NELL2: variants seen among roughly 807,000 people sequenced by gnomAD.
NELL2 encodes protein kinase C-binding protein NELL2.
NELL2 carries 41 observed loss-of-function variants against 109.6 expected under a neutral mutation model. That is an observed-to-expected ratio of 0.37 (90% CI 0.29 to 0.49). The LOEUF is 0.49. Among genes scored for constraint, NELL2 ranks in the 20% least tolerant of loss-of-function variants. NELL2 has a pLI of 0.98. For synonymous variants in NELL2, 355 were observed against 344.7 expected (o/e 1.03, Z -0.33); for missense variants, 900 against 1,008.3 (o/e 0.89, Z 1.45).
intron 15 of NELL2, among the ~76,000 whole-genome samples, chr12:44,539,770 T>G (rs10748397): frequency 0.78 from 118,589 of 152,054 alleles, 46,435 homozygotes; most frequent in East Asian, 1. Context: ...CAAATGGCCA[T>G]AAATTGTTAT....
chr12:44,539,470 T>C (rs141240256), intron 15 of NELL2, among the ~76,000 whole-genome samples: 168 of 152,304 alleles, frequency 1.1e-3, no homozygotes, highest in African/African-American at 3.6e-3. Context: ...ATATGATATA[T>C]TTCCTATTTC....
intron 16 of NELL2, among the ~76,000 whole-genome samples, chr12:44,531,226 G>A (rs1942038974): frequency 6.6e-6 from 1 of 152,160 alleles, no homozygotes; most frequent in Admixed American, 6.6e-5. Context: ...CCATATACAT[G>A]CTTCTGTATG....
chr12:44,601,501 G>A (rs542370328), intron 15 of NELL2, among the ~76,000 whole-genome samples: 5 of 152,262 alleles, frequency 3.3e-5, no homozygotes, highest in African/African-American at 1.2e-4. Flanking sequence ...CTATAGTACA[G>A]TAAAATTATA....
chr12:44,914,159 T>C (rs1945808504), upstream of NELL2: 1 of 156,594 alleles, frequency 6.4e-6, no homozygotes, highest in African/African-American at 2.4e-5. Flanking sequence ...AAAACATAAA[T>C]CAGGTTGTGT....
chr12:44,614,136 C>A (rs1945730605), intron 13 of NELL2, among the ~76,000 whole-genome samples: 1 of 151,956 alleles, frequency 6.6e-6, no homozygotes, highest in Non-Finnish European at 1.5e-5. Context: ...AGACTCAATG[C>A]TATCTTCATA....
At chr12:44,532,030 G>A (rs1031787548) in intron 16 of NELL2, among the ~76,000 whole-genome samples, 3 of 152,076 alleles carry the variant, frequency 2.0e-5, no homozygotes, top group African/African-American at 7.2e-5. Context: ...TAATCTGATT[G>A]AATTTTCTAC....
chr12:44,820,404 T>C (rs1264346511), intron 2 of NELL2, among the ~76,000 whole-genome samples: 1 of 151,868 alleles, frequency 6.6e-6, no homozygotes, highest in Non-Finnish European at 1.5e-5. Flanking sequence ...GTCAGGAGAT[T>C]GAGACCATCC....
intron 9 of NELL2, among the ~76,000 whole-genome samples, chr12:44,745,972 A>G (rs1275996793): frequency 6.6e-6 from 1 of 152,182 alleles, no homozygotes; most frequent in Non-Finnish European, 1.5e-5. Context: ...GGAACCAAAA[A>G]AGAGCCCGCA....
intron 9 of NELL2, among the ~76,000 whole-genome samples, chr12:44,753,877 T>G (rs1847795049): frequency 6.6e-6 from 1 of 152,186 alleles, no homozygotes; most frequent in African/African-American, 2.4e-5. Flanking sequence ...AAATTTCCCC[T>G]AATGAATAAA....
rs372043718 is a variant in NELL2, at chr12:44,919,670, C to A, written c.-32+2120G>T. Among the ~76,000 whole-genome samples, 9 of 152,094 alleles carry A rather than the reference C, an allele frequency of 5.9e-5. No homozygotes were observed. The East Asian group carries it at 1.7e-3, about 29-fold the overall frequency. The stretch of plus-strand genomic sequence containing the variant: ...ACAAGACAAGGAATGCCAAAGATTG[C>A]CAACAAAACACTGGAAGCTAGGAAA... On this transcript the variant is annotated intron_variant, in intron 1 of 9. Transcript: ENST00000552993.
chr12:44,863,965 C>A (rs1212323952), intron 2 of NELL2, among the ~76,000 whole-genome samples: 1 of 151,756 alleles, frequency 6.6e-6, no homozygotes, highest in Non-Finnish European at 1.5e-5. Flanking sequence ...CTTATGAGAT[C>A]AAAGTTAAGT....
intron 15 of NELL2, among the ~76,000 whole-genome samples, chr12:44,550,230 A>T (rs1475677088): frequency 3.9e-5 from 6 of 152,116 alleles, no homozygotes; most frequent in Admixed American, 3.3e-4. Context: ...AAGCATACAG[A>T]ACTCAAATCA....
intron 18 of NELL2, 97 bp from the exon 19 acceptor site, chr12:44,520,326 T>G: frequency 2.4e-6 from 2 of 844,094 alleles, no homozygotes; most frequent in Non-Finnish European, 1.8e-6. Context: ...TACTGAATAC[T>G]CAATTATTTG....
intron 13 of NELL2, among the ~76,000 whole-genome samples, chr12:44,613,090 A>G (rs1945684960): frequency 6.6e-6 from 1 of 152,012 alleles, no homozygotes; most frequent in Admixed American, 6.6e-5. Context: ...GTCCTTCCCC[A>G]CAGATTCTCC....
chr12:44,875,388 GA>G, intron 1 of NELL2, 35 bp from the exon 2 acceptor site: 1 of 1,614,024 alleles, frequency 6.2e-7, no homozygotes, highest in Non-Finnish European at 8.5e-7. Context: ...AGAGAAAAAG[GA>G]AAAGCTCCAT....
At chr12:44,667,412 GA>G (rs1947959108) in intron 12 of NELL2, among the ~76,000 whole-genome samples, 1 of 152,178 alleles carries the variant, frequency 6.6e-6, no homozygotes. Flanking sequence ...AAATTTTCTA[GA>G]CTTTGGAAGT....
chr12:44,730,156 T>C (rs1312826565), intron 9 of NELL2, among the ~76,000 whole-genome samples: 1 of 152,054 alleles, frequency 6.6e-6, no homozygotes, highest in Non-Finnish European at 1.5e-5. Flanking sequence ...ACTGATAGAC[T>C]TGAAGGGAGA....
intron 15 of NELL2, among the ~76,000 whole-genome samples, chr12:44,567,380 C>T (rs928423254): frequency 2.0e-5 from 3 of 152,106 alleles, no homozygotes; most frequent in Non-Finnish European, 2.9e-5. Flanking sequence ...ATATACTTAA[C>T]CTAGTTTAGG....
chr12:44,871,847 G>A lies in NELL2; in HGVS notation c.184+3378C>T, dbSNP rs532749071. Among the ~76,000 whole-genome samples, 4 of 152,120 alleles carry A rather than the reference G, an allele frequency of 2.6e-5. No homozygotes were observed. In the East Asian group the frequency reaches 5.8e-4, roughly 22 times the overall value. ...AAGCTTATTTTCAACTTAACAACTT[G>A]TAAAAAAAACATGCTTTGATTTTAT... On this transcript the variant is annotated intron_variant, in intron 2 of 19. Coordinates refer to ENST00000429094, the MANE Select transcript of NELL2 (RefSeq NM_001145108.2).
Sources: gnomAD v4.1 joint callset for allele counts (sites outside exome capture counted in the v4.1 genomes callset) on GRCh38, gnomAD v4.1.1 for gene constraint, MANE v1.5 for transcripts, NCBI Gene and HGNC (gene_info 2026-07-23, HGNC 2026-07-21) for gene names.